ANKRD36: variants seen among roughly 807,000 people sequenced by gnomAD.
ANKRD36 encodes ankyrin repeat domain 36.
Under a neutral mutation model 278.1 loss-of-function variants are expected in ANKRD36, and 179 were observed. That is an observed-to-expected ratio of 0.64 (90% CI 0.57 to 0.73). The LOEUF (loss-of-function observed/expected upper bound fraction) is 0.73. Ranked by LOEUF, ANKRD36 falls within the 30% of genes least tolerant of loss-of-function variation. The pLI is 0.00. For missense variants in ANKRD36, 1,159 were observed against 1,956.7 expected, an observed-to-expected ratio of 0.59 and a Z score of 7.69; for synonymous variants, 320 against 641.1, an observed-to-expected ratio of 0.50 and a Z score of 7.57.
chr2:97,127,940 G>T (rs563619589), intron 6 of ANKRD36, among the ~76,000 whole-genome samples: 23 of 152,026 alleles, frequency 1.5e-4, no homozygotes, highest in African/African-American at 4.6e-4. Context: ...TTATTTGGTG[G>T]CAGTAGAAAT....
intron 67 of ANKRD36, among the ~76,000 whole-genome samples, chr2:97,229,637 AT>A (rs1156502027): frequency 4.6e-5 from 7 of 152,034 alleles, no homozygotes; most frequent in African/African-American, 1.7e-4. Flanking sequence ...GTCCATTTAC[AT>A]TTAAAGTTAA....
intron 62 of ANKRD36, among the ~76,000 whole-genome samples, chr2:97,216,296 T>C (rs1441317717): frequency 6.6e-6 from 1 of 151,842 alleles, no homozygotes; most frequent in Non-Finnish European, 1.5e-5. Flanking sequence ...ATGAAACTTC[T>C]TTAGAGAATA....
intron 1 of ANKRD36, 32 bp downstream of exon 1, chr2:97,113,968 G>A (rs776770136): frequency 1.3e-6 from 2 of 1,593,064 alleles, no homozygotes; most frequent in South Asian, 1.1e-5. Flanking sequence ...GGCTGCGGGA[G>A]GAGGCCTGTG....
intron 11 of ANKRD36, among the ~76,000 whole-genome samples, chr2:97,148,737 C>T (rs4092201): frequency 4.6e-5 from 7 of 152,378 alleles, no homozygotes; most frequent in African/African-American, 9.6e-5. Context: ...TTTCAGGGGG[C>T]TCCCTGTAGT....
chr2:97,231,539 C>T (rs1184605263), intron 67 of ANKRD36, among the ~76,000 whole-genome samples: 1 of 152,136 alleles, frequency 6.6e-6, no homozygotes, highest in African/African-American at 2.4e-5. Context: ...CTGTCTGTCA[C>T]CCCTTTCTTT....
chr2:97,183,394 A>G (rs2056709533), intron 26 of ANKRD36, 65 bp from the exon 27 acceptor site: 7 of 1,483,630 alleles, frequency 4.7e-6, no homozygotes, highest in South Asian at 1.3e-5. Flanking sequence ...CTAACACTGC[A>G]TGAATGTATG....
intron 3 of ANKRD36, among the ~76,000 whole-genome samples, chr2:97,121,378 C>T (rs1353190177): frequency 1.3e-5 from 2 of 152,062 alleles, no homozygotes; most frequent in East Asian, 3.9e-4. Flanking sequence ...CAGTGGCTCA[C>T]GCCTGTAATC....
rs568769642 is a variant in ANKRD36, at chr2:97,198,332, C to A, written c.2654-131C>A. ...TCTGTCACGTTCTAGTCCCCAGACA[C>A]AAAGTAGAAGCCATCAAAGCGTACA... On this transcript the variant is annotated intron_variant, in intron 42 of 75. Transcript: ENST00000420699. The A allele has an allele frequency of 8.9e-4, 1,347 of 1,521,766 alleles. No homozygotes were observed. The African/African-American group carries it at 0.017, about 19-fold the overall frequency. 94.3% of individuals were successfully genotyped at this position (1,521,766 alleles called of 1,614,324 possible).
chr2:97,226,437 C>T (rs1435141783), intron 67 of ANKRD36, among the ~76,000 whole-genome samples: 1 of 149,838 alleles, frequency 6.7e-6, no homozygotes, highest in Non-Finnish European at 1.5e-5. Flanking sequence ...TGAGAAGTGT[C>T]TGTTCATGTC....
At position 97,193,017 on chromosome 2, in the gene ANKRD36, G is replaced by A. The variant is rs1343636514; in HGVS notation, c.2413G>A (p.Ala805Thr). Reference sequence around the variant, plus strand: ...CGAGGAAGGTTCTGTTTTGAGTATAGCCAGAGAAAACAAGGATGGAGAAAA... The same window carrying A: ...CGAGGAAGGTTCTGTTTTGAGTATAACCAGAGAAAACAAGGATGGAGAAAA... Reference protein sequence around the residue: ...SDEEGSVLSIARENKDGEKSR... With the variant: ...SDEEGSVLSITRENKDGEKSR... Residue 805 changes from alanine to threonine, a missense_variant, in exon 38 of 76, where the codon GCC becomes ACC. By Grantham distance (58) the Ala-to-Thr change is moderately conservative (BLOSUM62 0). Transcript: ENST00000420699. 1.9e-6 allele frequency: 3 copies of A among 1,574,358 alleles called. No individual in the cohort carries two copies. Among genetic ancestry groups the A allele is most frequent in the Non-Finnish European group, 2.6e-6 (3 of 1,159,748 alleles).
intron 22 of ANKRD36, among the ~76,000 whole-genome samples, chr2:97,168,690 G>A (rs1575229148): frequency 6.6e-6 from 1 of 152,286 alleles, no homozygotes; most frequent in African/African-American, 2.4e-5. Flanking sequence ...TCCCACTTAT[G>A]AGTGAGAAAA....
rs1327773959 is a variant in ANKRD36 at position 97,203,787 on chromosome 2, AC to A, written c.2960-280del. Among the ~76,000 whole-genome samples the A allele has an allele frequency of 2.0e-5, 3 of 151,752 alleles. No homozygotes were observed. The East Asian group carries it at 5.8e-4, about 30-fold the overall frequency. On this transcript the variant is annotated intron_variant, in intron 48 of 75. Coordinates refer to ENST00000420699, the MANE Select transcript of ANKRD36 (RefSeq NM_001354587.1). ...GATTTTAGATCACTTTGTCCTCATC[AC>A]TCGGCATATCCACATTGATATTGAC...
chr2:97,227,916 C>T (rs1216813414), intron 67 of ANKRD36, among the ~76,000 whole-genome samples: 11 of 152,106 alleles, frequency 7.2e-5, no homozygotes, highest in Admixed American at 7.2e-4. Flanking sequence ...GTCTTTGGTT[C>T]TGTTTATAAG....
Position 97,213,769 on chromosome 2 carries a change from A to C in ANKRD36, c.3571+155A>C, listed in dbSNP as rs1329456547. ...TTTAATAAGTTCTTGGGTGACGCTG[A>C]TGCTGCTGGTCTTGGACATGATCTT... On this transcript the variant is annotated intron_variant, in intron 60 of 75. Coordinates refer to ENST00000420699, the MANE Select transcript of ANKRD36 (RefSeq NM_001354587.1). 2.0e-5 allele frequency among the ~76,000 whole-genome samples: 3 copies of C among 151,552 alleles called. No individual in the cohort carries two copies. The East Asian group carries it at 6.0e-4, about 30-fold the overall frequency.
chr2:97,202,061 T>G (rs1575794933), intron 46 of ANKRD36, 141 bp from the exon 47 acceptor site: 2 of 1,512,734 alleles, frequency 1.3e-6, no homozygotes, highest in Non-Finnish European at 1.8e-6. Flanking sequence ...CACGTTCTAG[T>G]CCCCAGACAC....
intron 22 of ANKRD36, among the ~76,000 whole-genome samples, chr2:97,175,126 T>C (rs1239464634): frequency 6.6e-6 from 1 of 150,744 alleles, no homozygotes; most frequent in Non-Finnish European, 1.5e-5. Context: ...GGTATCAGAA[T>C]GATACTGGCT....
chr2:97,229,064 G>A (rs1392692918), intron 67 of ANKRD36, among the ~76,000 whole-genome samples: 5 of 151,902 alleles, frequency 3.3e-5, no homozygotes, highest in Admixed American at 2.0e-4. Context: ...CAAGTATGTG[G>A]TCAATTTTGG....
At chr2:97,178,067 A>T (rs1278458181) in intron 22 of ANKRD36, among the ~76,000 whole-genome samples, 2 of 150,778 alleles carry the variant, frequency 1.3e-5, no homozygotes, top group Non-Finnish European at 3.0e-5. Flanking sequence ...GCCAAAAAAC[A>T]CATGAAAAAA....
chr2:97,176,750 G>A (rs1450805254), intron 22 of ANKRD36, among the ~76,000 whole-genome samples: 2 of 151,662 alleles, frequency 1.3e-5, no homozygotes, highest in South Asian at 2.1e-4. Context: ...GCATGATTTT[G>A]CAGAGTCTGG....
Sources: allele counts gnomAD v4.1 joint callset (sites outside exome capture counted in the v4.1 genomes callset), GRCh38; gene constraint gnomAD v4.1.1; transcripts MANE v1.5; gene names NCBI Gene and HGNC (gene_info 2026-07-23, HGNC 2026-07-21).